EPB41: variants seen among roughly 807,000 people sequenced by gnomAD.
The protein encoded by EPB41 is protein 4.1.
Under a neutral mutation model 108.0 loss-of-function variants are expected in EPB41, and 65 were observed. That is an observed-to-expected ratio of 0.60 (90% CI 0.49 to 0.74). The LOEUF (loss-of-function observed/expected upper bound fraction) is 0.74, where lower values mean the gene tolerates loss of function less well. EPB41 is among the 30% of genes least tolerant of loss of function. EPB41 has a pLI of 0.00. For synonymous variants in EPB41, 336 were observed against 358.9 expected, an observed-to-expected ratio of 0.94 and a Z score of 0.72; for missense variants, 875 against 1,037.0, an observed-to-expected ratio of 0.84 and a Z score of 2.15.
Position 29,005,037 on chromosome 1 carries a change from C to T in EPB41, c.787-6828C>T, listed in dbSNP as rs189669894. 2.6e-4 allele frequency among the ~76,000 whole-genome samples: 39 copies of T among 151,808 alleles called. 1 individual carries two copies. The highest frequency in any genetic ancestry group is 2.0e-3 in the Admixed American group (31 of 15,242). On this transcript the variant is annotated intron_variant, in intron 4 of 20. Transcript: ENST00000343067. ...TATGACCTAAGGTTGTAAATGCTGC[C>T]GAAGATATGAAAGGTGTTAGTCTGT...
At chr1:28,906,433 C>T (rs2091834732) in intron 1 of EPB41, among the ~76,000 whole-genome samples, 1 of 152,154 alleles carries the variant, frequency 6.6e-6, no homozygotes, top group African/African-American at 2.4e-5. Flanking sequence ...GGGTTCCCTC[C>T]CCTAGTAAGA....
At chr1:28,983,693 C>T (rs974358963) in intron 1 of EPB41, among the ~76,000 whole-genome samples, 5 of 152,176 alleles carry the variant, frequency 3.3e-5, no homozygotes, top group Admixed American at 1.3e-4. Flanking sequence ...CAAGGCCACG[C>T]GGGCCTCACA....
chr1:28,994,320 C>T (rs988520611), intron 3 of EPB41, among the ~76,000 whole-genome samples: 8 of 150,918 alleles, frequency 5.3e-5, no homozygotes, highest in African/African-American at 1.2e-4. Flanking sequence ...TACAGGCACC[C>T]GCCACCACGC....
At chr1:28,987,160 T>A (rs2095886855) in intron 1 of EPB41, among the ~76,000 whole-genome samples, 1 of 152,242 alleles carries the variant, frequency 6.6e-6, no homozygotes, top group Non-Finnish European at 1.5e-5. Flanking sequence ...TAATATGTGA[T>A]GTATTTCACT....
intron 4 of EPB41, among the ~76,000 whole-genome samples, chr1:29,005,626 G>A (rs1227828718): frequency 6.6e-6 from 1 of 152,172 alleles, no homozygotes; most frequent in Admixed American, 6.6e-5. Flanking sequence ...GACTGACTAG[G>A]CAATAGCAGT....
intron 17 of EPB41, among the ~76,000 whole-genome samples, chr1:29,099,393 T>C (rs1020268560): frequency 2.6e-5 from 4 of 152,196 alleles, no homozygotes; most frequent in Non-Finnish European, 5.9e-5. Context: ...TGGCATGATC[T>C]TAGCTCGCTG....
At chr1:28,989,964 A>G (rs2095968314) in intron 2 of EPB41, among the ~76,000 whole-genome samples, 1 of 152,132 alleles carries the variant, frequency 6.6e-6, no homozygotes, top group East Asian at 1.9e-4. Flanking sequence ...AAAGAATTAA[A>G]TTACATTATC....
intron 1 of EPB41, among the ~76,000 whole-genome samples, chr1:28,891,580 G>A (rs949262492): frequency 1.3e-5 from 2 of 152,142 alleles, no homozygotes; most frequent in East Asian, 3.9e-4. Context: ...CTTTAAAGTG[G>A]GAATAGTAAC....
chr1:29,003,367 T>TGCAC (rs1471137342), intron 4 of EPB41, among the ~76,000 whole-genome samples: 1 of 152,256 alleles, frequency 6.6e-6, no homozygotes, highest in East Asian at 1.9e-4. Flanking sequence ...ATCCTCTAGT[T>TGCAC]GCACAGTCAG....
In EPB41 at chr1:29,033,252, A is replaced by T; in HGVS notation, c.1365+7A>T. Reference sequence around the variant, plus strand: ...CAAGATTCGGCCTGGAGAGGTACAGAATTTATATTTCCTTCCTCCCAAACC... The same window carrying T: ...CAAGATTCGGCCTGGAGAGGTACAGTATTTATATTTCCTTCCTCCCAAACC... On this transcript the variant is annotated splice_region_variant and intron_variant, in intron 9 of 20. Coordinates refer to ENST00000343067, the MANE Select transcript of EPB41 (RefSeq NM_001376013.1). 6.2e-7 allele frequency: 1 copy of T among 1,613,722 alleles called. No homozygotes were observed. The highest frequency in any genetic ancestry group is 1.1e-5 in the South Asian group (1 of 91,074).
At chr1:29,036,906 T>A (rs754408487) in intron 10 of EPB41, among the ~76,000 whole-genome samples, 31 of 151,622 alleles carry the variant, frequency 2.0e-4, no homozygotes, top group Non-Finnish European at 4.3e-4. Context: ...GATCTCGATC[T>A]CCTGACCTCA....
chr1:28,989,824 C>T (rs890823755), intron 2 of EPB41, among the ~76,000 whole-genome samples: 7 of 152,006 alleles, frequency 4.6e-5, no homozygotes, highest in Non-Finnish European at 7.4e-5. Context: ...AGAGTGAAAC[C>T]GGTAAAAGCT....
chr1:28,997,313 C>T lies in EPB41; in HGVS notation c.780C>T (p.Thr260=). 6.2e-7 allele frequency: 1 copy of T among 1,600,868 alleles called. No homozygotes were observed. Among genetic ancestry groups the T allele is most frequent in the Non-Finnish European group, 8.6e-7 (1 of 1,167,964 alleles). ...GTCTAGCCATTTGGGATAACGCAAC[C>T]TCTAAGGTGAGGAGACTGCTTGCAA... ...YFGLAIWDNA[T]SKTWLDSAKE... Residue 260 remains threonine (T), a synonymous_variant, in exon 4 of 21, where the codon ACC becomes ACT. Transcript: ENST00000343067.
chr1:28,890,258 G>A (rs1274735320), intron 1 of EPB41, among the ~76,000 whole-genome samples: 2 of 151,810 alleles, frequency 1.3e-5, no homozygotes, highest in African/African-American at 2.4e-5. Context: ...GGGTGGTCTC[G>A]AACTCCTGAC....
At chr1:28,904,076 A>T (rs2091555991) in intron 1 of EPB41, among the ~76,000 whole-genome samples, 1 of 151,696 alleles carries the variant, frequency 6.6e-6, no homozygotes, top group Admixed American at 6.6e-5. Context: ...CATCTTGGCC[A>T]GGCTGGTCTC....
intron 4 of EPB41, among the ~76,000 whole-genome samples, chr1:29,000,234 G>A (rs1280342579): frequency 6.6e-6 from 1 of 152,108 alleles, no homozygotes; most frequent in African/African-American, 2.4e-5. Context: ...AAGTAGCTGG[G>A]ATTACAGGCA....
At chr1:29,104,120 T>A (rs1249784450) in intron 17 of EPB41, among the ~76,000 whole-genome samples, 1 of 152,234 alleles carries the variant, frequency 6.6e-6, no homozygotes, top group Non-Finnish European at 1.5e-5. Flanking sequence ...TTTCCTCATT[T>A]GTAAAATGTG....
At chr1:29,110,874 T>C (rs1365735173) in intron 18 of EPB41, among the ~76,000 whole-genome samples, 3 of 152,238 alleles carry the variant, frequency 2.0e-5, no homozygotes, top group African/African-American at 7.2e-5. Flanking sequence ...TTCAGATTTT[T>C]TTCCTCTTGA....
intron 18 of EPB41, among the ~76,000 whole-genome samples, chr1:29,109,964 G>T (rs1235673210): frequency 1.3e-5 from 2 of 152,114 alleles, no homozygotes; most frequent in Admixed American, 6.5e-5. Flanking sequence ...AACCCAGGAA[G>T]CAGAGATTAC....
Sources: allele counts gnomAD v4.1 joint callset (sites outside exome capture counted in the v4.1 genomes callset), GRCh38; gene constraint gnomAD v4.1.1; transcripts MANE v1.5; gene names NCBI Gene and HGNC (gene_info 2026-07-23, HGNC 2026-07-21).